SYNDIG1: variants seen among roughly 807,000 people sequenced by gnomAD.
SYNDIG1 encodes the protein synapse differentiation-inducing gene protein 1.
SYNDIG1 carries 9 observed loss-of-function variants against 19.4 expected under a neutral mutation model. That is an observed-to-expected ratio of 0.46 (90% confidence interval 0.28 to 0.81). The LOEUF (loss-of-function observed/expected upper bound fraction) is 0.81. SYNDIG1 is among the 30% of genes least tolerant of loss of function. The probability of loss-of-function intolerance (pLI) is 0.12; values close to 1 mark genes in which losing one functional copy is unlikely to be tolerated. For synonymous variants in SYNDIG1, 141 were observed against 145.9 expected (o/e 0.97, Z 0.24); for missense variants, 311 against 343.3 (o/e 0.91, Z 0.74).
At chr20:24,484,402 C>T (rs1432694346) in intron 1 of SYNDIG1, among the ~76,000 whole-genome samples, 3 of 152,094 alleles carry the variant, frequency 2.0e-5, no homozygotes, top group African/African-American at 4.8e-5. Context: ...TATTAAACTT[C>T]GTAAAAGGAA....
At position 24,488,109 on chromosome 20, in the gene SYNDIG1, T is replaced by C. The variant is rs73341677; in HGVS notation, c.-79+18356T>C. Among the ~76,000 whole-genome samples the C allele has an allele frequency of 1.6e-3, 236 of 152,250 alleles. 2 individuals are homozygous for C. The highest frequency in any genetic ancestry group is 5.5e-3 in the African/African-American group (227 of 41,530). On this transcript the variant is annotated intron_variant, in intron 1 of 3. Coordinates refer to ENST00000376862, the MANE Select transcript of SYNDIG1 (RefSeq NM_024893.3). ...TGGTTACACAACAAGTAATAACACA[T>C]GGCTAGAAAAAAATGGACTAGAAAT...
At chr20:24,536,416 G>C (rs1043273297) in intron 1 of SYNDIG1, among the ~76,000 whole-genome samples, 2 of 152,108 alleles carry the variant, frequency 1.3e-5, no homozygotes, top group East Asian at 3.9e-4. Context: ...CACTGAATAT[G>C]TCATTGCCAC....
At chr20:24,541,941 C>T (rs1464137948) in intron 1 of SYNDIG1, among the ~76,000 whole-genome samples, 7 of 152,044 alleles carry the variant, frequency 4.6e-5, no homozygotes, top group East Asian at 3.9e-4. Context: ...CATCTCTGAG[C>T]GGATGAACCC....
chr20:24,609,362 C>A (rs910061539), intron 3 of SYNDIG1, among the ~76,000 whole-genome samples: 83 of 152,250 alleles, frequency 5.5e-4, no homozygotes, highest in African/African-American at 1.9e-3. Flanking sequence ...TCTGTCCTTC[C>A]TTTTAGACGG....
intron 1 of SYNDIG1, among the ~76,000 whole-genome samples, chr20:24,503,779 T>C (rs1456914662): frequency 2.0e-5 from 3 of 152,078 alleles, no homozygotes; most frequent in Admixed American, 6.5e-5. Context: ...CTGCCTCTCA[T>C]CTTTAGGTCA....
chr20:24,515,875 T>C (rs1011863711), intron 1 of SYNDIG1, among the ~76,000 whole-genome samples: 1 of 152,136 alleles, frequency 6.6e-6, no homozygotes, highest in Non-Finnish European at 1.5e-5. Context: ...GAGCCCGCAT[T>C]GCCAAGACAA....
At chr20:24,584,368 T>TA (rs2147028366) in intron 2 of SYNDIG1, among the ~76,000 whole-genome samples, 1 of 152,316 alleles carries the variant, frequency 6.6e-6, no homozygotes, top group Admixed American at 6.5e-5. Context: ...AGAAGTCTCG[T>TA]AATACAAAGA....
intron 1 of SYNDIG1, among the ~76,000 whole-genome samples, chr20:24,538,185 T>A (rs192744978): frequency 3.0e-4 from 45 of 152,328 alleles, no homozygotes; most frequent in Admixed American, 7.2e-4. Context: ...ACTTATAATG[T>A]GTAACCATCA....
chr20:24,648,944 C>T (rs912648559), intron 3 of SYNDIG1, among the ~76,000 whole-genome samples: 5 of 152,202 alleles, frequency 3.3e-5, no homozygotes, highest in African/African-American at 1.2e-4. Context: ...ATATATCCTT[C>T]ATTCATGTCA....
intron 3 of SYNDIG1, chr20:24,596,806 TC>T (rs1330889146): frequency 6.6e-6 from 1 of 152,250 alleles, no homozygotes; most frequent in Non-Finnish European, 1.5e-5. Flanking sequence ...ACATATAAGC[TC>T]TGCATCCTCA....
chr20:24,555,633 C>T (rs547852150), intron 2 of SYNDIG1, among the ~76,000 whole-genome samples: 4,399 of 152,208 alleles, frequency 0.029, 87 homozygotes, highest in Non-Finnish European at 0.045. Flanking sequence ...GTTTCTTAAT[C>T]CTGAGTTCTA....
Position 24,515,951 on chromosome 20 carries a change from A to G in SYNDIG1, c.-78-27069A>G, listed in dbSNP as rs981429369. On this transcript the variant is annotated intron_variant, in intron 1 of 3. Transcript: ENST00000376862. ...TGACTTCAAACTATACTACAAGGCT[A>G]CAGTAACCAAAACAGCATGGTACTG... Among the ~76,000 whole-genome samples, 258 of 152,348 alleles carry G rather than the reference A, an allele frequency of 1.7e-3. 1 individual carries two copies. The highest frequency in any genetic ancestry group is 3.1e-3 in the Non-Finnish European group (208 of 68,030).
At chr20:24,506,447 A>G (rs1427793099) in intron 1 of SYNDIG1, among the ~76,000 whole-genome samples, 1 of 152,220 alleles carries the variant, frequency 6.6e-6, no homozygotes, top group African/African-American at 2.4e-5. Flanking sequence ...GCATGGCCAC[A>G]GTCCCCCTGG....
chr20:24,613,926 CT>C (rs2147190310), intron 3 of SYNDIG1, among the ~76,000 whole-genome samples: 1 of 152,328 alleles, frequency 6.6e-6, no homozygotes, highest in Non-Finnish European at 1.5e-5. Flanking sequence ...GGGAGAGAGG[CT>C]GTTACCAGTG....
At chr20:24,601,430 G>T (rs2058678574) in intron 3 of SYNDIG1, among the ~76,000 whole-genome samples, 1 of 152,194 alleles carries the variant, frequency 6.6e-6, no homozygotes, top group East Asian at 1.9e-4. Flanking sequence ...TTTGAGCCTG[G>T]ACTTCTCATC....
intron 2 of SYNDIG1, among the ~76,000 whole-genome samples, chr20:24,580,446 T>G (rs2058303245): frequency 6.6e-6 from 1 of 152,210 alleles, no homozygotes; most frequent in Non-Finnish European, 1.5e-5. Context: ...AGCCTCACTC[T>G]GTTGCCCCGG....
chr20:24,547,927 G>C (rs1228140753), intron 2 of SYNDIG1, among the ~76,000 whole-genome samples: 1 of 152,212 alleles, frequency 6.6e-6, no homozygotes, highest in Non-Finnish European at 1.5e-5. Context: ...GCACTTACCT[G>C]TGGCAATGCA....
chr20:24,580,738 G>T (rs2058308945), intron 2 of SYNDIG1, among the ~76,000 whole-genome samples: 1 of 152,072 alleles, frequency 6.6e-6, no homozygotes, highest in Admixed American at 6.6e-5. Context: ...TTCAATCAAA[G>T]TTGACAAATT....
intron 3 of SYNDIG1, among the ~76,000 whole-genome samples, chr20:24,643,648 A>C (rs531526579): frequency 3.9e-5 from 6 of 152,238 alleles, no homozygotes; most frequent in Non-Finnish European, 8.8e-5. Flanking sequence ...AGATTAATCC[A>C]TCATAATCTG....
Sources: gnomAD v4.1 joint callset for allele counts (sites outside exome capture counted in the v4.1 genomes callset) on GRCh38, gnomAD v4.1.1 for gene constraint, MANE v1.5 for transcripts, NCBI Gene and HGNC (gene_info 2026-07-23, HGNC 2026-07-21) for gene names.